Variants in WDR59 observed in about 807,000 individuals in gnomAD.
WDR59 encodes the protein GATOR2 complex protein WDR59.
In WDR59, 100 loss-of-function variants were observed where a neutral mutation model predicts 131.2. The observed-to-expected ratio is 0.76, with a 90% CI of 0.65 to 0.90. The LOEUF (loss-of-function observed/expected upper bound fraction) is 0.90, where lower values mean the gene tolerates loss of function less well. Ranked by LOEUF, WDR59 falls within the 40% of genes least tolerant of loss-of-function variation. The probability of loss-of-function intolerance (pLI) is 0.00; values close to 1 mark genes in which losing one functional copy is unlikely to be tolerated. For missense variants in WDR59, 1,203 were observed against 1,262.2 expected (o/e 0.95, Z 0.71); for synonymous variants, 601 against 466.2 (o/e 1.29, Z -3.72).
At chr16:74,953,197 G>C (rs1296339752) in intron 3 of WDR59, among the ~76,000 whole-genome samples, 2 of 151,998 alleles carry the variant, frequency 1.3e-5, no homozygotes, top group Admixed American at 6.6e-5. Context: ...TCCAGCCAGG[G>C]GCAGTGGCTC....
chr16:74,966,565 T>C (rs956051907), intron 1 of WDR59, among the ~76,000 whole-genome samples: 1 of 152,124 alleles, frequency 6.6e-6, no homozygotes, highest in Admixed American at 6.6e-5. Context: ...AAACAGCAGC[T>C]ACTATGAACA....
intron 3 of WDR59, among the ~76,000 whole-genome samples, chr16:74,952,036 A>G (rs2033032501): frequency 6.7e-6 from 1 of 150,192 alleles, no homozygotes; most frequent in African/African-American, 2.5e-5. Context: ...ACGCTTTTCT[A>G]GAACTCCTAG....
chr16:74,906,491 G>C (rs1567706222), intron 17 of WDR59, among the ~76,000 whole-genome samples: 2 of 151,912 alleles, frequency 1.3e-5, no homozygotes, highest in Admixed American at 1.3e-4. Flanking sequence ...AGTTTCTCAA[G>C]TTAAAAATAC....
intron 20 of WDR59, 106 bp from the exon 21 acceptor site, chr16:74,889,921 T>G (rs371217223): frequency 8.0e-6 from 6 of 745,620 alleles, no homozygotes; most frequent in Admixed American, 5.9e-5. Flanking sequence ...CCTTGCTACA[T>G]TGGGGGCAGC....
chr16:74,965,079 A>T (rs886323183), intron 2 of WDR59, among the ~76,000 whole-genome samples: 61 of 151,126 alleles, frequency 4.0e-4, no homozygotes, highest in African/African-American at 9.9e-4. Flanking sequence ...AAAAAAAAAA[A>T]TTTTTTTTTG....
chr16:74,900,905 G>A (rs1158064377), intron 18 of WDR59, among the ~76,000 whole-genome samples: 2 of 152,240 alleles, frequency 1.3e-5, no homozygotes, highest in African/African-American at 2.4e-5. Context: ...GATCACCTGA[G>A]GTCAGGAGTT....
chr16:74,887,886 G>A (rs1180552554), intron 22 of WDR59, 131 bp from the exon 23 acceptor site: 23 of 979,542 alleles, frequency 2.3e-5, no homozygotes, highest in Non-Finnish European at 3.1e-5. Context: ...GGGAGGCCAA[G>A]GAAGGTGGAA....
At chr16:74,888,111 C>T (rs1394696662) in intron 22 of WDR59, 58 bp downstream of exon 22, 1 of 1,462,450 alleles carries the variant, frequency 6.8e-7, no homozygotes, top group East Asian at 2.4e-5. Flanking sequence ...AAGTAAAACT[C>T]CGTCTCAAAA....
rs73608002 is a variant in WDR59, at chr16:74,964,414, A to G, written c.104+1359T>C. On this transcript the variant is annotated intron_variant, in intron 2 of 25. Coordinates refer to ENST00000262144, the MANE Select transcript of WDR59 (RefSeq NM_030581.4). ...AAAGAGCAGGGAGCTGGAGGCAGAA[A>G]AGAGATACCAACTTTCCCTTATCTA... Among the ~76,000 whole-genome samples the G allele has an allele frequency of 6.6e-3, 1,009 of 152,002 alleles. 5 individuals are homozygous for G. Among genetic ancestry groups the G allele is most frequent in the African/African-American group, 0.024 (981 of 41,424 alleles).
intron 18 of WDR59, among the ~76,000 whole-genome samples, chr16:74,903,386 T>G (rs1306089538): frequency 6.6e-6 from 1 of 152,118 alleles, no homozygotes; most frequent in Non-Finnish European, 1.5e-5. Context: ...GATAACTACT[T>G]TAGGGACAAT....
chr16:74,877,480 T>A (rs1243014221), intron 25 of WDR59, among the ~76,000 whole-genome samples: 1 of 152,248 alleles, frequency 6.6e-6, no homozygotes, highest in African/African-American at 2.4e-5. Context: ...TAAACAAAAG[T>A]CTACTTCTGA....
In WDR59 at chr16:74,891,157, C is replaced by G. The variant is rs75644387; in HGVS notation, c.2082+1327G>C. Among the ~76,000 whole-genome samples the G allele has an allele frequency of 5.4e-3, 810 of 151,196 alleles. 28 individuals are homozygous for G. In the East Asian group the frequency reaches 0.078, roughly 15 times the overall value. On this transcript the variant is annotated intron_variant, in intron 20 of 25. Transcript: ENST00000262144. ...AATCAAATACTATTTTCTGGAAAACCTTTCTCAGTAGCAGCACAGCATTGT... is the reference window on the plus strand; with the variant it reads ...AATCAAATACTATTTTCTGGAAAACGTTTCTCAGTAGCAGCACAGCATTGT...
At chr16:74,886,150 C>T in intron 24 of WDR59, 120 bp downstream of exon 24, 1 of 1,301,366 alleles carries the variant, frequency 7.7e-7, no homozygotes, top group Non-Finnish European at 1.0e-6. Context: ...TGCACTCCAA[C>T]CTAGTGACCG....
At chr16:74,912,131 T>C (rs912182821) in intron 14 of WDR59, 67 bp downstream of exon 14, 1 of 1,603,762 alleles carries the variant, frequency 6.2e-7, no homozygotes, top group Non-Finnish European at 8.5e-7. Context: ...GTTTTCATTC[T>C]TCTTTACTAA....
chr16:74,944,490 C>G (rs1345926653), intron 6 of WDR59, among the ~76,000 whole-genome samples: 5 of 151,094 alleles, frequency 3.3e-5, no homozygotes, highest in African/African-American at 4.9e-5. Context: ...AATCATTACA[C>G]CAGGGTCGAA....
intron 1 of WDR59, among the ~76,000 whole-genome samples, chr16:74,974,154 G>C (rs1009765610): frequency 6.6e-6 from 1 of 152,036 alleles, no homozygotes. Flanking sequence ...TGGGCGAAAA[G>C]CAAGACTCCA....
At chr16:74,887,654 A>G (rs748296150) in intron 23 of WDR59, 29 bp downstream of exon 23, 1 of 1,610,580 alleles carries the variant, frequency 6.2e-7, no homozygotes, top group Non-Finnish European at 8.5e-7. Context: ...CTAAAAATCC[A>G]GCGTGGGCTA....
chr16:74,950,842 C>G lies in WDR59; in HGVS notation c.326+616G>C, dbSNP rs756279567. 8.5e-4 allele frequency among the ~76,000 whole-genome samples: 129 copies of G among 151,978 alleles called. 1 individual carries two copies. The highest frequency in any genetic ancestry group is 1.4e-3 in the Non-Finnish European group (92 of 68,008). On this transcript the variant is annotated intron_variant, in intron 4 of 25. Transcript: ENST00000262144. ...TGAACTGGGGGATTCTGCTGCATAA[C>G]CACTCCTCTCCTATGTTGAAAATCA...
At position 74,948,537 on chromosome 16, in the gene WDR59, C is replaced by G; in HGVS notation, c.427G>C (p.Val143Leu). ...WDIKDTRKPT[V>L]ALSAVAGASQ... ...CACTCACCAACAGCAGACAGTGCAA[C>G]AGTAGGTTTCCTTGTGTCTCTGAAA... The change falls in exon 6 of 26, where the codon GTT becomes CTT. Residue 143 changes from valine to leucine, a missense_variant. Val to Leu is a conservative substitution (Grantham distance 32). Coordinates refer to ENST00000262144, the MANE Select transcript of WDR59 (RefSeq NM_030581.4). 1.9e-6 allele frequency: 3 copies of G among 1,613,910 alleles called. No individual in the cohort carries two copies. The highest frequency in any genetic ancestry group is 2.5e-6 in the Non-Finnish European group (3 of 1,179,812).
Sources: gnomAD v4.1 joint callset for allele counts (sites outside exome capture counted in the v4.1 genomes callset) on GRCh38, gnomAD v4.1.1 for gene constraint, MANE v1.5 for transcripts, NCBI Gene and HGNC (gene_info 2026-07-23, HGNC 2026-07-21) for gene names.